NKAIN2: variants seen among roughly 807,000 people sequenced by gnomAD.
NKAIN2 encodes the protein sodium/potassium transporting ATPase interacting 2.
In NKAIN2, 14 loss-of-function variants were observed where a neutral mutation model predicts 32.6. The ratio of observed to expected loss-of-function variants is 0.43; its 90% confidence interval spans 0.28 to 0.67. The LOEUF (loss-of-function observed/expected upper bound fraction) is 0.67. NKAIN2 is among the 30% of genes least tolerant of loss of function. The probability of loss-of-function intolerance (pLI) is 0.17; values close to 1 mark genes in which losing one functional copy is unlikely to be tolerated. For synonymous variants in NKAIN2, 80 were observed against 87.2 expected, an observed-to-expected ratio of 0.92 and a Z score of 0.46; for missense variants, 198 against 258.3, an observed-to-expected ratio of 0.77 and a Z score of 1.60.
intron 3 of NKAIN2, among the ~76,000 whole-genome samples, chr6:124,568,818 G>A (rs1781017706): frequency 1.4e-5 from 1 of 71,466 alleles, no homozygotes; most frequent in African/African-American, 4.9e-5. Context: ...GAAAAGCACT[G>A]TGGCAAAAAA....
chr6:124,660,209 A>G (rs1784696867), intron 4 of NKAIN2, among the ~76,000 whole-genome samples: 1 of 152,232 alleles, frequency 6.6e-6, no homozygotes, highest in Non-Finnish European at 1.5e-5. Context: ...TACTGTACCC[A>G]CAAAATTTTG....
intron 1 of NKAIN2, among the ~76,000 whole-genome samples, chr6:124,276,113 G>A (rs1419945719): frequency 6.6e-6 from 1 of 151,896 alleles, no homozygotes; most frequent in Non-Finnish European, 1.5e-5. Flanking sequence ...CTTTTTGGTG[G>A]TGTTTCGTTG....
At chr6:124,733,109 C>T (rs1185596996) in intron 4 of NKAIN2, among the ~76,000 whole-genome samples, 1 of 151,800 alleles carries the variant, frequency 6.6e-6, no homozygotes, top group South Asian at 2.1e-4. Flanking sequence ...TCTGAACAAA[C>T]CAAAACTATA....
At chr6:124,205,427 C>T (rs1030825626) in intron 1 of NKAIN2, among the ~76,000 whole-genome samples, 7 of 151,582 alleles carry the variant, frequency 4.6e-5, no homozygotes, top group Non-Finnish European at 1.0e-4. Flanking sequence ...TTATCTTTAC[C>T]TGTCTTCCTC....
intron 1 of NKAIN2, among the ~76,000 whole-genome samples, chr6:123,869,089 T>C (rs1277150078): frequency 2.0e-5 from 3 of 152,190 alleles, no homozygotes; most frequent in African/African-American, 7.2e-5. Flanking sequence ...AAATATAAAG[T>C]GCTTTAAAGA....
chr6:123,984,170 G>A (rs1350394849), intron 1 of NKAIN2, among the ~76,000 whole-genome samples: 1 of 152,242 alleles, frequency 6.6e-6, no homozygotes, highest in South Asian at 2.1e-4. Flanking sequence ...GCCTCCCAAA[G>A]TTCTGGGATT....
intron 1 of NKAIN2, chr6:123,829,235 T>A (rs1366107907): frequency 6.6e-6 from 1 of 152,176 alleles, no homozygotes; most frequent in Non-Finnish European, 1.5e-5. Context: ...AACATTTTTT[T>A]ATTATCACCG....
At chr6:124,598,691 A>T (rs903230197) in intron 3 of NKAIN2, among the ~76,000 whole-genome samples, 13 of 151,242 alleles carry the variant, frequency 8.6e-5, no homozygotes, top group African/African-American at 3.2e-4. Flanking sequence ...AAAAAAAAAA[A>T]TTATACTATT....
chr6:124,138,520 GAA>G (rs1786951030), intron 1 of NKAIN2, among the ~76,000 whole-genome samples: 1 of 151,656 alleles, frequency 6.6e-6, no homozygotes, highest in Non-Finnish European at 1.5e-5. Flanking sequence ...GTCATTATAT[GAA>G]AAAGACATTT....
rs191161946 is a variant in NKAIN2, at chr6:124,180,831, T to C, written c.55-102174T>C. Among the ~76,000 whole-genome samples the C allele has an allele frequency of 2.1e-3, 326 of 152,310 alleles. 2 individuals are homozygous for C. Among genetic ancestry groups the C allele is most frequent in the African/African-American group, 7.6e-3 (315 of 41,580 alleles). ...GCTGCTTTCATGGGCTGGCATTGAA[T>C]GCCTGTGGCTTTTCCAGGTGCATGG... On this transcript the variant is annotated intron_variant, in intron 1 of 6. Coordinates refer to ENST00000368417, the MANE Select transcript of NKAIN2 (RefSeq NM_001040214.3).
At position 124,792,565 on chromosome 6, in the gene NKAIN2, A is replaced by G. The variant is rs377641945; in HGVS notation, c.535+1166A>G. ...ATATTTTACCTGTAGGAACTTGCCAACTAGGAGGTTAAAACAAACATATGA... is the reference window on the plus strand; with the variant it reads ...ATATTTTACCTGTAGGAACTTGCCAGCTAGGAGGTTAAAACAAACATATGA... On this transcript the variant is annotated intron_variant, in intron 5 of 6. Transcript: ENST00000368417. Among the ~76,000 whole-genome samples, 14 of 152,296 alleles carry G rather than the reference A, an allele frequency of 9.2e-5. No individual in the cohort carries two copies. The East Asian group carries it at 2.3e-3, about 25-fold the overall frequency.
intron 1 of NKAIN2, among the ~76,000 whole-genome samples, chr6:124,084,572 C>T (rs1223803998): frequency 1.3e-5 from 2 of 152,028 alleles, no homozygotes; most frequent in Non-Finnish European, 2.9e-5. Context: ...TTGTGTAGCA[C>T]TAATCTTATA....
At chr6:124,798,726 G>T (rs1046881640) in intron 5 of NKAIN2, among the ~76,000 whole-genome samples, 4 of 152,132 alleles carry the variant, frequency 2.6e-5, no homozygotes, top group African/African-American at 9.7e-5. Flanking sequence ...CCTGCCTACT[G>T]CTCTATTTCA....
intron 1 of NKAIN2, among the ~76,000 whole-genome samples, chr6:124,268,453 T>C (rs932499116): frequency 6.6e-6 from 1 of 152,088 alleles, no homozygotes; most frequent in African/African-American, 2.4e-5. Flanking sequence ...CCATTGCCAA[T>C]AGAAGGAAAG....
At chr6:124,318,478 G>A (rs1382937824) in intron 2 of NKAIN2, among the ~76,000 whole-genome samples, 1 of 151,748 alleles carries the variant, frequency 6.6e-6, no homozygotes, top group Non-Finnish European at 1.5e-5. Context: ...AAGTAAGGAT[G>A]GCCTCTTGAC....
intron 1 of NKAIN2, among the ~76,000 whole-genome samples, chr6:124,066,132 A>G (rs1200387158): frequency 6.6e-6 from 1 of 152,074 alleles, no homozygotes; most frequent in Admixed American, 6.6e-5. Context: ...TCTAAAATAT[A>G]TCCAGGAGAG....
At chr6:124,744,550 AG>A (rs1562359337) in intron 4 of NKAIN2, among the ~76,000 whole-genome samples, 3 of 151,654 alleles carry the variant, frequency 2.0e-5, no homozygotes, top group Non-Finnish European at 4.4e-5. Flanking sequence ...GAGGCGGGGT[AG>A]GGCGAGATCT....
intron 4 of NKAIN2, among the ~76,000 whole-genome samples, chr6:124,708,667 G>A (rs1775244538): frequency 6.6e-6 from 1 of 151,940 alleles, no homozygotes; most frequent in South Asian, 2.1e-4. Context: ...AAGAATGCTT[G>A]TGATTTTTGT....
At chr6:124,427,534 C>G (rs1775033605) in intron 3 of NKAIN2, among the ~76,000 whole-genome samples, 1 of 152,270 alleles carries the variant, frequency 6.6e-6, no homozygotes, top group Non-Finnish European at 1.5e-5. Context: ...AGGAGAATCT[C>G]ATTCTCTTAT....
Sources: allele counts gnomAD v4.1 joint callset (sites outside exome capture counted in the v4.1 genomes callset), GRCh38; gene constraint gnomAD v4.1.1; transcripts MANE v1.5; gene names NCBI Gene and HGNC (gene_info 2026-07-23, HGNC 2026-07-21).